Variants in LATS2 observed in about 807,000 individuals in gnomAD.
LATS2 encodes the protein large tumor suppressor kinase 2.
LATS2 carries 24 observed loss-of-function variants against 76.0 expected under a neutral mutation model. The ratio of observed to expected loss-of-function variants is 0.32; its 90% CI spans 0.23 to 0.44. The LOEUF (loss-of-function observed/expected upper bound fraction) is 0.44, where lower values mean the gene tolerates loss of function less well. LATS2 is among the 20% of genes least tolerant of loss of function. LATS2 has a pLI of 1.00. For synonymous variants in LATS2, 692 were observed against 635.4 expected (o/e 1.09, Z -1.34); for missense variants, 1,286 against 1,481.2 (o/e 0.87, Z 2.16).
At chr13:21,018,661 C>CT (rs112626537) in intron 2 of LATS2, among the ~76,000 whole-genome samples, 2,224 of 149,880 alleles carry the variant, frequency 0.015, 61 homozygotes, top group African/African-American at 0.049. Flanking sequence ...CAGAGTCCCT[C>CT]TTTTTTTTTT....
At chr13:20,998,230 T>C (rs938223343) in intron 2 of LATS2, among the ~76,000 whole-genome samples, 2 of 152,088 alleles carry the variant, frequency 1.3e-5, no homozygotes, top group African/African-American at 4.8e-5. Flanking sequence ...GGTGGGTGCC[T>C]GTAGTTCCAG....
intron 2 of LATS2, among the ~76,000 whole-genome samples, chr13:21,029,013 C>T (rs1460341829): frequency 6.6e-6 from 1 of 152,136 alleles, no homozygotes; most frequent in African/African-American, 2.4e-5. Context: ...TTAAGGTGTT[C>T]TATAAAAAGG....
intron 2 of LATS2, among the ~76,000 whole-genome samples, chr13:21,011,007 A>C (rs1871574031): frequency 6.6e-6 from 1 of 152,230 alleles, no homozygotes; most frequent in Admixed American, 6.5e-5. Flanking sequence ...TGGTTTGCAA[A>C]CTGCTCATTG....
rs182768038 is a variant in LATS2, at chr13:20,997,975, A to C, written c.343-6571T>G. 1.1e-3 allele frequency among the ~76,000 whole-genome samples: 167 copies of C among 152,178 alleles called. 1 individual carries two copies. Among genetic ancestry groups the C allele is most frequent in the Admixed American group, 2.2e-3 (33 of 15,278 alleles). ...CATATCCTAAAGTTTTAACATTCCA[A>C]CTATGAGGTTTGGCTGAAAAAGTAG... On this transcript the variant is annotated intron_variant, in intron 2 of 7. Coordinates refer to ENST00000382592, the MANE Select transcript of LATS2 (RefSeq NM_014572.3).
At chr13:21,024,724 G>A (rs191414607) in intron 2 of LATS2, among the ~76,000 whole-genome samples, 45 of 149,836 alleles carry the variant, frequency 3.0e-4, no homozygotes, top group African/African-American at 1.1e-3. Context: ...GTTAAAAGAT[G>A]TATATTTCAA....
At chr13:20,984,292 AAAAG>A (rs1230153517) in intron 4 of LATS2, among the ~76,000 whole-genome samples, 2 of 152,148 alleles carry the variant, frequency 1.3e-5, no homozygotes, top group African/African-American at 4.8e-5. Context: ...GTTAAGATAA[AAAAG>A]AAAGTTCTTT....
chr13:21,003,180 CTG>C (rs1461325942), intron 2 of LATS2, among the ~76,000 whole-genome samples: 1 of 152,072 alleles, frequency 6.6e-6, no homozygotes, highest in Non-Finnish European at 1.5e-5. Context: ...AAAAATGAGA[CTG>C]TTCCATTATT....
intron 2 of LATS2, among the ~76,000 whole-genome samples, chr13:21,029,073 T>C (rs559909612): frequency 1.2e-4 from 19 of 152,358 alleles, no homozygotes; most frequent in South Asian, 4.1e-4. Context: ...TGTGTACTTT[T>C]ATTTCTTTTT....
In LATS2 at chr13:20,974,976, C is replaced by G; in HGVS notation, c.3161G>C (p.Arg1054Pro). The change falls in exon 8 of 8, where the codon CGA (arginine) becomes CCA (proline). Residue 1054 changes from arginine to proline, a missense_variant. Physicochemically the swap from Arg to Pro is moderately radical, Grantham distance 103 (BLOSUM62 -2). This residue lies in a region of LATS2 where 210 missense variants were observed against 234.9 expected (regional missense o/e 0.89). Transcript: ENST00000382592. The stretch of plus-strand genomic sequence containing the variant: ...TTCTGCTCCTGAAGGCTTTGGGCAT[C>G]GAAAGGGGTAGCCATTGTCATCAAA... ...RFFDDNGYPFRCPKPSGAEAS... is the reference protein window; with the variant it reads ...RFFDDNGYPFPCPKPSGAEAS... 1 of 1,614,126 alleles carries G rather than the reference C, an allele frequency of 6.2e-7. No homozygotes were observed. The highest frequency in any genetic ancestry group is 1.1e-5 in the South Asian group (1 of 91,066).
chr13:21,056,900 C>G (rs994757216), intron 1 of LATS2, among the ~76,000 whole-genome samples: 3 of 152,126 alleles, frequency 2.0e-5, no homozygotes, highest in African/African-American at 7.2e-5. Flanking sequence ...TTCTTGGAGC[C>G]TGGAACTTCC....
At chr13:20,994,830 G>T (rs1051420345) in intron 2 of LATS2, among the ~76,000 whole-genome samples, 7 of 149,256 alleles carry the variant, frequency 4.7e-5, no homozygotes, top group Non-Finnish European at 8.9e-5. Context: ...AGGGCAGGCT[G>T]GGCAACAAAG....
intron 2 of LATS2, among the ~76,000 whole-genome samples, chr13:20,997,531 T>C (rs1439891475): frequency 6.6e-6 from 1 of 152,214 alleles, no homozygotes; most frequent in African/African-American, 2.4e-5. Flanking sequence ...AACCTCCCCA[T>C]GGGATGGTCC....
chr13:21,038,010 C>T (rs75573052), intron 2 of LATS2, among the ~76,000 whole-genome samples: 14,047 of 152,176 alleles, frequency 0.092, 667 homozygotes, highest in Middle Eastern at 0.12. Flanking sequence ...TCCCAGCTAC[C>T]TGGGTGGACC....
At chr13:20,979,882 T>A in intron 6 of LATS2, 85 bp from the exon 7 acceptor site, 1 of 774,656 alleles carries the variant, frequency 1.3e-6, no homozygotes, top group South Asian at 1.7e-5. Context: ...ACATACAGAT[T>A]TCCTGTTAAG....
chr13:21,014,601 G>A (rs1355188235), intron 2 of LATS2, among the ~76,000 whole-genome samples: 4 of 152,216 alleles, frequency 2.6e-5, no homozygotes, highest in East Asian at 1.9e-4. Context: ...AAGGAACGAC[G>A]CTGACCATCC....
Position 21,034,559 on chromosome 13 carries a change from TAG to T in LATS2, c.342+11124_342+11125del, listed in dbSNP as rs768066331. Among the ~76,000 whole-genome samples, 13 of 152,316 alleles carry T rather than the reference TAG, an allele frequency of 8.5e-5. No homozygotes were observed. The South Asian group carries it at 2.7e-3, about 32-fold the overall frequency. Reference sequence around the variant, plus strand: ...GGAGTCACTTGCTAAGGGTGGCAGATAGAGAGAGAAGGTGCCTATTCCTGATG... The same window carrying T: ...GGAGTCACTTGCTAAGGGTGGCAGATAGAGAGAAGGTGCCTATTCCTGATG... On this transcript the variant is annotated intron_variant, in intron 2 of 7. Coordinates refer to ENST00000382592, the MANE Select transcript of LATS2 (RefSeq NM_014572.3).
chr13:20,987,841 T>C (rs376467864), intron 4 of LATS2, 40 bp downstream of exon 4: 1 of 1,589,940 alleles, frequency 6.3e-7, no homozygotes, highest in Admixed American at 1.7e-5. Flanking sequence ...AGTAGAGGGA[T>C]GAGCCGGGAA....
chr13:20,988,372 C>A lies in LATS2; in HGVS notation c.1408G>T (p.Ala470Ser), dbSNP rs746825689. Reference protein sequence around the residue: ...PSHPAWVPAPAPAPAPAPAPA... With the variant: ...PSHPAWVPAPSPAPAPAPAPA... ...GCGGGGGCGGGGGCGGGGGCCGGGG[C>A]AGGCGCGGGCACCCAGGCGGGGTGC... is the stretch of plus-strand genomic sequence containing the variant. The change falls in exon 4 of 8, where the codon GCC (alanine) becomes TCC (serine). Residue 470 changes from alanine (A) to serine (S), a missense_variant. Physicochemically the swap from Ala to Ser is moderately conservative, Grantham distance 99 (BLOSUM62 1). Coordinates refer to ENST00000382592, the MANE Select transcript of LATS2 (RefSeq NM_014572.3). 3.7e-6 allele frequency: 5 copies of A among 1,368,080 alleles called. No individual in the cohort carries two copies. The East Asian group carries it at 1.5e-4, about 42-fold the overall frequency. 84.7% of individuals were successfully genotyped at this position (1,368,080 alleles called of 1,614,324 possible).
intron 2 of LATS2, among the ~76,000 whole-genome samples, chr13:21,024,907 GGGGC>G (rs1416255569): frequency 6.6e-6 from 1 of 152,136 alleles, no homozygotes; most frequent in Non-Finnish European, 1.5e-5. Flanking sequence ...CGCATGGCCT[GGGGC>G]TGTCCCCACA....
Sources: allele counts gnomAD v4.1 joint callset (sites outside exome capture counted in the v4.1 genomes callset), GRCh38; gene constraint gnomAD v4.1.1; regional missense constraint gnomAD v4.1.1; transcripts MANE v1.5; gene names NCBI Gene and HGNC (gene_info 2026-07-23, HGNC 2026-07-21).